Variants in SMAP1 observed in about 807,000 individuals in gnomAD.
SMAP1 encodes small ArfGAP 1, also known as stromal membrane-associated protein 1.
In SMAP1, 24 loss-of-function variants were observed where a neutral mutation model predicts 58.5. The observed-to-expected ratio is 0.41, with a 90% CI of 0.30 to 0.58. The LOEUF (loss-of-function observed/expected upper bound fraction) is 0.58. SMAP1 is among the 20% of genes least tolerant of loss of function. The pLI, the probability that SMAP1 is intolerant of heterozygous loss-of-function variation, is 0.29. For synonymous variants in SMAP1, 216 were observed against 196.6 expected (o/e 1.10, Z -0.82); for missense variants, 563 against 566.3 (o/e 0.99, Z 0.06).
chr6:70,758,501 C>A (rs929087507), intron 3 of SMAP1, among the ~76,000 whole-genome samples: 1 of 151,310 alleles, frequency 6.6e-6, no homozygotes, highest in Non-Finnish European at 1.5e-5. Flanking sequence ...GCACATGTAC[C>A]CTAAAACTTA....
At position 70,783,443 on chromosome 6, in the gene SMAP1, C is replaced by A. The variant is rs992958398; in HGVS notation, c.415-8246C>A. On this transcript the variant is annotated intron_variant, in intron 4 of 10. Transcript: ENST00000370455. ...GTTCCTCACCAGCAACGGAACAATGCTGGACAGAGAATGACTCTGACGAGT... is the reference window on the plus strand; with the variant it reads ...GTTCCTCACCAGCAACGGAACAATGATGGACAGAGAATGACTCTGACGAGT... Among the ~76,000 whole-genome samples the A allele has an allele frequency of 4.6e-5, 7 of 152,306 alleles. No homozygotes were observed. In the East Asian group the frequency reaches 1.3e-3, roughly 29 times the overall value.
chr6:70,729,175 C>T (rs1291817820), intron 1 of SMAP1, among the ~76,000 whole-genome samples: 1 of 152,176 alleles, frequency 6.6e-6, no homozygotes, highest in African/African-American at 2.4e-5. Context: ...CGTGATGGCT[C>T]ATGCCTGTAA....
intron 6 of SMAP1, among the ~76,000 whole-genome samples, chr6:70,814,929 G>A (rs1769554339): frequency 6.6e-6 from 1 of 152,068 alleles, no homozygotes; most frequent in African/African-American, 2.4e-5. Context: ...TATCATCTAG[G>A]GATAGTTCAG....
chr6:70,854,450 CAT>C (rs1169313080), intron 8 of SMAP1, among the ~76,000 whole-genome samples: 3 of 151,996 alleles, frequency 2.0e-5, no homozygotes, highest in Non-Finnish European at 4.4e-5. Context: ...GGTGAAACCC[CAT>C]CTCTCCTTAA....
chr6:70,696,695 G>A (rs893201186), intron 1 of SMAP1, among the ~76,000 whole-genome samples: 3 of 152,266 alleles, frequency 2.0e-5, no homozygotes, highest in East Asian at 3.9e-4. Flanking sequence ...TCCATGTGCT[G>A]AGGAGAAGAA....
At chr6:70,784,274 G>C (rs991041780) in intron 4 of SMAP1, among the ~76,000 whole-genome samples, 1 of 151,822 alleles carries the variant, frequency 6.6e-6, no homozygotes, top group Admixed American at 6.6e-5. Context: ...TCACCACCAG[G>C]CCTGCCCTAA....
chr6:70,779,933 A>G (rs1164538093), intron 4 of SMAP1, among the ~76,000 whole-genome samples: 3 of 152,182 alleles, frequency 2.0e-5, no homozygotes, highest in African/African-American at 7.2e-5. Flanking sequence ...GCAGACTCAT[A>G]TCAAAACCCT....
intron 5 of SMAP1, 22 bp downstream of exon 5, chr6:70,791,791 C>A (rs45540932): frequency 0.028 from 45,177 of 1,591,294 alleles, 794 homozygotes; most frequent in Middle Eastern, 0.04. Context: ...TTTTAACCAG[C>A]TACATTATGT....
Position 70,787,463 on chromosome 6 carries a change from C to T in SMAP1, c.415-4226C>T, listed in dbSNP as rs1270111299. On this transcript the variant is annotated intron_variant, in intron 4 of 10. Coordinates refer to ENST00000370455, the MANE Select transcript of SMAP1 (RefSeq NM_001044305.3). ...AATTGACAAATGGGATCTAATTAAA[C>T]TAAAGAGCTTCTGCACAGCAAAAGA... Among the ~76,000 whole-genome samples the T allele has an allele frequency of 3.9e-5, 6 of 152,062 alleles. No individual in the cohort carries two copies. In the South Asian group the frequency reaches 1.0e-3, roughly 26 times the overall value.
intron 1 of SMAP1, among the ~76,000 whole-genome samples, chr6:70,672,089 A>G (rs568779333): frequency 3.3e-4 from 50 of 152,368 alleles, no homozygotes; most frequent in African/African-American, 1.1e-3. Context: ...ACTTGAAGAC[A>G]CACTGTTAGA....
intron 1 of SMAP1, among the ~76,000 whole-genome samples, chr6:70,715,862 G>T (rs2149841820): frequency 6.6e-6 from 1 of 151,708 alleles, no homozygotes; most frequent in African/African-American, 2.4e-5. Context: ...AACCCAATTT[G>T]TAGTATTTTA....
chr6:70,789,949 A>C (rs1450077462), intron 4 of SMAP1, among the ~76,000 whole-genome samples: 1 of 152,108 alleles, frequency 6.6e-6, no homozygotes, highest in African/African-American at 2.4e-5. Context: ...ACATCAGCTT[A>C]TCATCTTCTC....
chr6:70,809,676 T>C (rs1012250563), intron 6 of SMAP1, among the ~76,000 whole-genome samples: 23 of 152,212 alleles, frequency 1.5e-4, no homozygotes, highest in African/African-American at 5.5e-4. Flanking sequence ...TAGAACAAGA[T>C]ATTTTCAATA....
At chr6:70,818,430 G>T (rs1769738671) in intron 6 of SMAP1, among the ~76,000 whole-genome samples, 2 of 152,032 alleles carry the variant, frequency 1.3e-5, no homozygotes. Context: ...TATTTCTGGG[G>T]TTTTCATATT....
chr6:70,806,577 C>A (rs1769142754), intron 6 of SMAP1, among the ~76,000 whole-genome samples: 1 of 152,180 alleles, frequency 6.6e-6, no homozygotes. Flanking sequence ...AATCACCCAT[C>A]TTCTGCGTCG....
At chr6:70,706,043 A>G (rs1767824144) in intron 1 of SMAP1, among the ~76,000 whole-genome samples, 1 of 152,202 alleles carries the variant, frequency 6.6e-6, no homozygotes, top group Non-Finnish European at 1.5e-5. Flanking sequence ...GGGCAGAATG[A>G]CAGCACTTGG....
At chr6:70,754,913 T>C (rs1766422700) in intron 2 of SMAP1, 67 bp from the exon 3 acceptor site, 3 of 860,404 alleles carry the variant, frequency 3.5e-6, no homozygotes, top group Non-Finnish European at 5.8e-6. Context: ...TGTATGTATG[T>C]GTATGTATGT....
intron 1 of SMAP1, chr6:70,694,505 T>C (rs542440338): frequency 1.3e-5 from 2 of 153,124 alleles, no homozygotes; most frequent in East Asian, 3.9e-4. Context: ...ATTTGAAACC[T>C]AGAAGAAGTT....
At chr6:70,802,205 T>C (rs143162304) in intron 6 of SMAP1, among the ~76,000 whole-genome samples, 1 of 152,346 alleles carries the variant, frequency 6.6e-6, no homozygotes, top group Non-Finnish European at 1.5e-5. Flanking sequence ...CAGTGGTTTG[T>C]AGTTCTCCTT....
Sources: allele counts gnomAD v4.1 joint callset (sites outside exome capture counted in the v4.1 genomes callset), GRCh38; gene constraint gnomAD v4.1.1; transcripts MANE v1.5; gene names NCBI Gene and HGNC (gene_info 2026-07-23, HGNC 2026-07-21).